Variants in FAM117B observed in about 807,000 individuals in gnomAD.
The protein encoded by FAM117B is family with sequence similarity 117 member B.
Under a neutral mutation model 52.8 loss-of-function variants are expected in FAM117B, and 22 were observed. The ratio of observed to expected loss-of-function variants is 0.42; its 90% CI spans 0.30 to 0.59. The LOEUF is 0.59. FAM117B is among the 20% of genes least tolerant of loss of function. FAM117B has a pLI of 0.22. For missense variants in FAM117B, 678 were observed against 802.6 expected (o/e 0.84, Z 1.88); for synonymous variants, 309 against 324.1 (o/e 0.95, Z 0.50).
intron 2 of FAM117B, among the ~76,000 whole-genome samples, chr2:202,718,544 A>T (rs1438114233): frequency 1.3e-5 from 2 of 152,132 alleles, no homozygotes; most frequent in Non-Finnish European, 2.9e-5. Flanking sequence ...CATCCTAGGG[A>T]TAAATGCCAC....
intron 1 of FAM117B, among the ~76,000 whole-genome samples, chr2:202,666,139 G>T (rs1474808129): frequency 6.6e-6 from 1 of 152,118 alleles, no homozygotes; most frequent in Non-Finnish European, 1.5e-5. Context: ...GAATGGTATT[G>T]TTACAAAGCA....
At chr2:202,741,071 T>C (rs1177885380) in intron 4 of FAM117B, among the ~76,000 whole-genome samples, 2 of 152,158 alleles carry the variant, frequency 1.3e-5, no homozygotes, top group Non-Finnish European at 2.9e-5. Flanking sequence ...CTGTTTACAT[T>C]GTACTAGTGG....
intron 3 of FAM117B, 56 bp downstream of exon 3, chr2:202,725,065 AT>A: frequency 7.4e-7 from 1 of 1,352,800 alleles, no homozygotes. Flanking sequence ...TTTGTTGGCT[AT>A]TTCCTTGATA....
intron 1 of FAM117B, among the ~76,000 whole-genome samples, chr2:202,637,247 A>G (rs1330226427): frequency 6.7e-6 from 1 of 149,626 alleles, no homozygotes; most frequent in Non-Finnish European, 1.5e-5. Context: ...TTATGTATTT[A>G]TTTTTATTTA....
chr2:202,682,808 AAAG>A (rs1467528063), intron 1 of FAM117B, among the ~76,000 whole-genome samples: 6 of 152,246 alleles, frequency 3.9e-5, no homozygotes, highest in East Asian at 3.8e-4. Flanking sequence ...TCCATGGGTC[AAAG>A]AAGAAGTTGC....
In FAM117B at chr2:202,635,268, AC is replaced by A; in HGVS notation, c.84del (p.Ser30AlafsTer6). The A allele has an allele frequency of 7.2e-7, 1 of 1,385,124 alleles. No homozygotes were observed. The highest frequency in any genetic ancestry group is 9.4e-7 in the Non-Finnish European group (1 of 1,066,984). 85.8% of individuals were successfully genotyped at this position (1,385,124 alleles called of 1,614,324 possible). ...GGGAVATAGG[P>X]GSRLQPMRAT... Reference sequence around the variant, plus strand: ...GTGGTGCGGTGGCCACGGCCGGGGGACCCGGGAGCCGCTTGCAGCCCATGAG... The same window carrying A: ...GTGGTGCGGTGGCCACGGCCGGGGGACCGGGAGCCGCTTGCAGCCCATGAG... On this transcript the variant is annotated frameshift_variant, in exon 1 of 8. Transcript: ENST00000392238. LOFTEE classifies it high-confidence loss of function.
chr2:202,765,817 A>T lies in FAM117B; in HGVS notation c.*53A>T, dbSNP rs1444753457. ...GGGAAATTGGGAACCTCCTCAGATC[A>T]CTGGATTCTGATGGCATCGTGCGCT... On this transcript the variant is annotated 3_prime_UTR_variant, in exon 8 of 8. Coordinates refer to ENST00000392238, the MANE Select transcript of FAM117B (RefSeq NM_173511.4). The T allele has an allele frequency of 3.2e-6, 5 of 1,548,074 alleles. No homozygotes were observed. In the Admixed American group the frequency reaches 8.9e-5, roughly 28 times the overall value.
chr2:202,645,160 A>G (rs554557949), intron 1 of FAM117B, among the ~76,000 whole-genome samples: 3 of 152,248 alleles, frequency 2.0e-5, no homozygotes, highest in South Asian at 4.1e-4. Flanking sequence ...TTTAAAAAAT[A>G]GAGACTGAGT....
intron 4 of FAM117B, among the ~76,000 whole-genome samples, chr2:202,732,051 T>C (rs940802163): frequency 1.3e-5 from 2 of 151,284 alleles, no homozygotes; most frequent in African/African-American, 4.8e-5. Context: ...TTTTTCTTTT[T>C]TTTTTTTTTT....
chr2:202,759,555 TA>T (rs896791905), intron 7 of FAM117B, among the ~76,000 whole-genome samples: 1 of 128,312 alleles, frequency 7.8e-6, no homozygotes, highest in African/African-American at 2.7e-5. Context: ...CTAGCCTGGC[TA>T]ATTTTTTTTT....
At chr2:202,646,274 A>G (rs933437849) in intron 1 of FAM117B, among the ~76,000 whole-genome samples, 3 of 152,212 alleles carry the variant, frequency 2.0e-5, no homozygotes, top group African/African-American at 4.8e-5. Flanking sequence ...ACCAGCCAGA[A>G]TGTTGGGATT....
intron 2 of FAM117B, among the ~76,000 whole-genome samples, chr2:202,716,229 C>T (rs986356336): frequency 1.3e-5 from 2 of 152,066 alleles, no homozygotes; most frequent in Admixed American, 6.5e-5. Flanking sequence ...CATTTGCAAA[C>T]AACATCTTTT....
intron 1 of FAM117B, among the ~76,000 whole-genome samples, chr2:202,639,906 C>T (rs982349213): frequency 1.3e-5 from 2 of 151,996 alleles, no homozygotes; most frequent in African/African-American, 4.8e-5. Context: ...TGTGAACATC[C>T]AGAATGGTGT....
chr2:202,697,424 A>G (rs1040144787), intron 2 of FAM117B, among the ~76,000 whole-genome samples: 8 of 152,202 alleles, frequency 5.3e-5, no homozygotes, highest in African/African-American at 1.9e-4. Flanking sequence ...AGAATGAAAA[A>G]CATTTAAAGA....
At chr2:202,695,049 G>A (rs1690690242) in intron 1 of FAM117B, among the ~76,000 whole-genome samples, 2 of 152,136 alleles carry the variant, frequency 1.3e-5, no homozygotes, top group Non-Finnish European at 2.9e-5. Flanking sequence ...TTATAAACAA[G>A]AAGGAGATCC....
At chr2:202,718,292 G>A (rs1691089103) in intron 2 of FAM117B, among the ~76,000 whole-genome samples, 3 of 152,158 alleles carry the variant, frequency 2.0e-5, no homozygotes, top group Admixed American at 2.0e-4. Context: ...GGCCAAGCTG[G>A]TACCTAAGGT....
chr2:202,635,915 C>T (rs1689678333), intron 1 of FAM117B, 127 bp downstream of exon 1: 4 of 842,014 alleles, frequency 4.8e-6, no homozygotes, highest in Non-Finnish European at 5.7e-6. Context: ...GGGCTGGGGG[C>T]GGTGCCGGGC....
intron 1 of FAM117B, among the ~76,000 whole-genome samples, chr2:202,668,527 CAAAAAAA>C (rs373784165): frequency 5.6e-5 from 4 of 71,686 alleles, no homozygotes; most frequent in Non-Finnish European, 8.3e-5. Context: ...GACTCTCTCT[CAAAAAAA>C]AAAAAAAAAA....
intron 3 of FAM117B, among the ~76,000 whole-genome samples, 171 bp from the exon 4 acceptor site, chr2:202,726,079 T>G (rs546088745): frequency 6.6e-6 from 1 of 152,332 alleles, no homozygotes; most frequent in South Asian, 2.1e-4. Context: ...TACACATACA[T>G]GCATGTGTAG....
Sources: gnomAD v4.1 joint callset for allele counts (sites outside exome capture counted in the v4.1 genomes callset) on GRCh38, gnomAD v4.1.1 for gene constraint, MANE v1.5 for transcripts, NCBI Gene and HGNC (gene_info 2026-07-23, HGNC 2026-07-21) for gene names.